MACROD2: variants seen among roughly 807,000 people sequenced by gnomAD.
MACROD2 encodes mono-ADP ribosylhydrolase 2.
MACROD2 carries 36 observed loss-of-function variants against 70.4 expected under a neutral mutation model. The observed-to-expected ratio is 0.51, with a 90% CI of 0.39 to 0.68. The LOEUF (loss-of-function observed/expected upper bound fraction) is 0.68, where lower values mean the gene tolerates loss of function less well. Ranked by LOEUF, MACROD2 falls within the 30% of genes least tolerant of loss-of-function variation. The pLI is 0.00. For synonymous variants in MACROD2, 172 were observed against 178.8 expected, an observed-to-expected ratio of 0.96 and a Z score of 0.30; for missense variants, 496 against 538.4, an observed-to-expected ratio of 0.92 and a Z score of 0.78.
chr20:15,553,257 C>T (rs763153284), intron 8 of MACROD2, among the ~76,000 whole-genome samples: 12 of 152,234 alleles, frequency 7.9e-5, no homozygotes, highest in Middle Eastern at 3.4e-3. Context: ...CATCATAGAG[C>T]TTAGATTCTA....
chr20:15,877,670 A>C lies in MACROD2; in HGVS notation c.728-8094A>C, dbSNP rs1262582843. On this transcript the variant is annotated intron_variant, in intron 9 of 17. Transcript: ENST00000684519. ...TCATGAGGATAACGACCTCTTCCCT[A>C]CTACGTAGAAGCCCTAAACAAAGCT... Among the ~76,000 whole-genome samples, 4 of 152,110 alleles carry C rather than the reference A, an allele frequency of 2.6e-5. No individual in the cohort carries two copies. The East Asian group carries it at 7.7e-4, about 29-fold the overall frequency.
At chr20:14,504,919 C>A (rs536502376) in intron 4 of MACROD2, among the ~76,000 whole-genome samples, 1 of 152,066 alleles carries the variant, frequency 6.6e-6, no homozygotes, top group African/African-American at 2.4e-5. Context: ...GTTTTATATA[C>A]ATATGTATCT....
chr20:15,660,376 G>A (rs894045162), intron 8 of MACROD2, among the ~76,000 whole-genome samples: 2 of 151,526 alleles, frequency 1.3e-5, no homozygotes, highest in Non-Finnish European at 2.9e-5. Flanking sequence ...TGTTGAGAAA[G>A]TTTGGTGATG....
chr20:14,135,527 A>G (rs912655192), intron 3 of MACROD2, among the ~76,000 whole-genome samples: 8 of 152,044 alleles, frequency 5.3e-5, no homozygotes, highest in Non-Finnish European at 1.5e-5. Flanking sequence ...TAAATAAATT[A>G]GCTGGGCATG....
At chr20:14,265,286 C>T (rs1680426542) in intron 3 of MACROD2, among the ~76,000 whole-genome samples, 1 of 151,974 alleles carries the variant, frequency 6.6e-6, no homozygotes, top group African/African-American at 2.4e-5. Flanking sequence ...GAGAATGGGT[C>T]CTGGTAAGGG....
At chr20:15,986,605 T>G in intron 13 of MACROD2, 122 bp from the exon 14 acceptor site, 1 of 531,042 alleles carries the variant, frequency 1.9e-6, no homozygotes, top group Non-Finnish European at 3.3e-6. Context: ...CTTTGCCCTT[T>G]GGTTTCAAAA....
intron 5 of MACROD2, among the ~76,000 whole-genome samples, chr20:14,781,834 A>G (rs1387728088): frequency 6.6e-6 from 1 of 151,998 alleles, no homozygotes; most frequent in Non-Finnish European, 1.5e-5. Context: ...CAGCCGTGAA[A>G]GAGCTCATAG....
At chr20:14,238,100 GA>G (rs1249223235) in intron 3 of MACROD2, among the ~76,000 whole-genome samples, 4 of 152,118 alleles carry the variant, frequency 2.6e-5, no homozygotes, top group Admixed American at 6.5e-5. Context: ...TCTAGTTCTA[GA>G]TCCCTGAGGA....
At chr20:15,740,913 C>T (rs34248224) in intron 8 of MACROD2, among the ~76,000 whole-genome samples, 19,270 of 151,918 alleles carry the variant, frequency 0.13, 2,260 homozygotes, top group African/African-American at 0.31. Flanking sequence ...TCCTCTACAA[C>T]ACCTGTGCCA....
intron 12 of MACROD2, among the ~76,000 whole-genome samples, chr20:15,951,984 C>A (rs1243460949): frequency 6.6e-6 from 1 of 151,984 alleles, no homozygotes; most frequent in African/African-American, 2.4e-5. Context: ...TGGGAGGGAC[C>A]CGGTGGGAGG....
chr20:15,456,218 A>G (rs983409238), intron 7 of MACROD2, among the ~76,000 whole-genome samples: 7 of 152,174 alleles, frequency 4.6e-5, no homozygotes, highest in Admixed American at 1.3e-4. Context: ...GACATCATCC[A>G]TGCCCCAGCC....
intron 5 of MACROD2, among the ~76,000 whole-genome samples, chr20:15,094,609 G>T (rs192165819): frequency 1.1e-3 from 170 of 152,008 alleles, no homozygotes; most frequent in African/African-American, 3.3e-3. Flanking sequence ...TTTGTTTTTG[G>T]TTTTTTTGTT....
intron 3 of MACROD2, among the ~76,000 whole-genome samples, chr20:14,276,305 T>C (rs547575158): frequency 6.7e-6 from 1 of 150,312 alleles, no homozygotes; most frequent in Non-Finnish European, 1.5e-5. Context: ...CCATAAAAAA[T>C]GATGAGTTCA....
At chr20:15,233,975 ATATT>A (rs1183949144) in intron 6 of MACROD2, among the ~76,000 whole-genome samples, 7 of 50,232 alleles carry the variant, frequency 1.4e-4, no homozygotes, top group African/African-American at 4.6e-4. Flanking sequence ...ATTTTTATAT[ATATT>A]TATTTATATA....
chr20:15,780,296 T>C (rs546248295), intron 8 of MACROD2, among the ~76,000 whole-genome samples: 5 of 151,782 alleles, frequency 3.3e-5, no homozygotes, highest in African/African-American at 7.3e-5. Context: ...CATGAGAGAA[T>C]AGACTAAGAA....
At chr20:14,090,652 C>T (rs2054136097) in intron 3 of MACROD2, among the ~76,000 whole-genome samples, 1 of 151,874 alleles carries the variant, frequency 6.6e-6, no homozygotes, top group Non-Finnish European at 1.5e-5. Context: ...TGTTTTCCAT[C>T]TCTAAGGTTT....
At chr20:14,738,043 A>G (rs978545626) in intron 5 of MACROD2, among the ~76,000 whole-genome samples, 1 of 151,354 alleles carries the variant, frequency 6.6e-6, no homozygotes, top group Admixed American at 6.6e-5. Flanking sequence ...CATATTTCAG[A>G]AATTTGCAAA....
intron 5 of MACROD2, among the ~76,000 whole-genome samples, chr20:15,074,032 A>G (rs1168810198): frequency 6.6e-6 from 1 of 152,228 alleles, no homozygotes; most frequent in East Asian, 1.9e-4. Flanking sequence ...AATGCAATCA[A>G]TAGCCAAAAT....
At position 14,252,310 on chromosome 20, in the gene MACROD2, C is replaced by G. The variant is rs908265752; in HGVS notation, c.271+166582C>G. Among the ~76,000 whole-genome samples, 23 of 151,896 alleles carry G rather than the reference C, an allele frequency of 1.5e-4. 1 individual carries two copies. The highest frequency in any genetic ancestry group is 4.4e-4 in the African/African-American group (18 of 41,356). On this transcript the variant is annotated intron_variant, in intron 3 of 17. Coordinates refer to ENST00000684519, the MANE Select transcript of MACROD2 (RefSeq NM_001351661.2). ...TTCTGTTTCCCAGTCACTGTTCCCC[C>G]CTAATAATTATCCTGACTATATGGG...
Sources: gnomAD v4.1 joint callset for allele counts (sites outside exome capture counted in the v4.1 genomes callset) on GRCh38, gnomAD v4.1.1 for gene constraint, MANE v1.5 for transcripts, NCBI Gene and HGNC (gene_info 2026-07-23, HGNC 2026-07-21) for gene names.